DOCK7: variants seen among roughly 807,000 people sequenced by gnomAD.
DOCK7 encodes dedicator of cytokinesis 7.
DOCK7 carries 138 observed loss-of-function variants against 271.0 expected under a neutral mutation model. That is an observed-to-expected ratio of 0.51 (90% confidence interval 0.44 to 0.59). The LOEUF is 0.59. Ranked by LOEUF, DOCK7 falls within the 20% of genes least tolerant of loss-of-function variation. The pLI is 0.00. For synonymous variants in DOCK7, 823 were observed against 876.1 expected (o/e 0.94, Z 1.07); for missense variants, 2,066 against 2,592.4 (o/e 0.80, Z 4.41).
chr1:62,552,071 T>C (rs1426454771), intron 22 of DOCK7, among the ~76,000 whole-genome samples: 1 of 152,106 alleles, frequency 6.6e-6, no homozygotes, highest in African/African-American at 2.4e-5. Flanking sequence ...ATCAAACTTA[T>C]TCTACTGAAG....
chr1:62,494,577 C>T lies in DOCK7; in HGVS notation c.5025-110G>A, dbSNP rs1571288471. On this transcript the variant is annotated intron_variant, in intron 39 of 49. Transcript: ENST00000635253. ...GAAAGGTTTTTGATACTGTGCACAA[C>T]CTACTTAGTTTTAAAGTAGTATGAA... 22 of 946,066 alleles carry T rather than the reference C, an allele frequency of 2.3e-5. No homozygotes were observed. In the South Asian group the frequency reaches 4.1e-4, roughly 18 times the overall value. 58.6% of individuals were successfully genotyped at this position (946,066 alleles called of 1,614,324 possible).
intron 7 of DOCK7, chr1:62,641,353 C>T (rs1656000222): frequency 2.5e-6 from 1 of 405,482 alleles, no homozygotes; most frequent in Non-Finnish European, 4.9e-6. Context: ...GGCACACAAC[C>T]TTGAGGGCAG....
intron 1 of DOCK7, among the ~76,000 whole-genome samples, chr1:62,688,005 G>A (rs1237985197): frequency 6.6e-6 from 1 of 151,910 alleles, no homozygotes; most frequent in Admixed American, 6.6e-5. Flanking sequence ...TCCCTGCCGA[G>A]GCTCAGCGGC....
chr1:62,545,136 C>T, intron 22 of DOCK7, 97 bp from the exon 23 acceptor site: 1 of 1,202,262 alleles, frequency 8.3e-7, no homozygotes, highest in Non-Finnish European at 1.2e-6. Context: ...CTAATGCAAA[C>T]ATGTTTTTAA....
rs573601946 is a variant in DOCK7 at position 62,467,536 on chromosome 1, A to G, written c.6212+6446T>C. On this transcript the variant is annotated intron_variant, in intron 48 of 49. Transcript: ENST00000635253. Reference sequence around the variant, plus strand: ...TTTACAATATGGACTGTTTATGATAAGGGCACAGAAACTAAAGCAAGTGGT... The same window carrying G: ...TTTACAATATGGACTGTTTATGATAGGGGCACAGAAACTAAAGCAAGTGGT... Among the ~76,000 whole-genome samples the G allele has an allele frequency of 2.0e-5, 3 of 152,366 alleles. No individual in the cohort carries two copies. The South Asian group carries it at 6.2e-4, about 32-fold the overall frequency.
intron 1 of DOCK7, among the ~76,000 whole-genome samples, chr1:62,685,058 C>T (rs1661575643): frequency 6.6e-6 from 1 of 152,174 alleles, no homozygotes; most frequent in Non-Finnish European, 1.5e-5. Context: ...AAAGGATTAT[C>T]ATTTCCAACA....
intron 14 of DOCK7, among the ~76,000 whole-genome samples, chr1:62,616,284 G>A (rs1652424102): frequency 6.6e-6 from 1 of 151,452 alleles, no homozygotes. Flanking sequence ...TAACATGTCT[G>A]GATTATCTAT....
At chr1:62,464,118 G>A (rs1645607897) in intron 48 of DOCK7, among the ~76,000 whole-genome samples, 1 of 152,014 alleles carries the variant, frequency 6.6e-6, no homozygotes, top group Non-Finnish European at 1.5e-5. Flanking sequence ...GGAGCACAGT[G>A]GTGCCATCTC....
At position 62,559,231 on chromosome 1, in the gene DOCK7, G is replaced by T. The variant is rs769581192; in HGVS notation, c.2200-11C>A. 6 of 1,601,834 alleles carry T rather than the reference G, an allele frequency of 3.7e-6. No homozygotes were observed. The South Asian group carries it at 5.5e-5, about 15-fold the overall frequency. ...GTCAAGATAAGGATCCTAAAACAAA[G>T]AATAAACAAAAGCACTAAGCACTTA... On this transcript the variant is annotated splice_polypyrimidine_tract_variant and intron_variant, in intron 19 of 49. Coordinates refer to ENST00000635253, the MANE Select transcript of DOCK7 (RefSeq NM_001367561.1).
At chr1:62,516,373 A>G (rs1019029532) in intron 31 of DOCK7, among the ~76,000 whole-genome samples, 2 of 152,206 alleles carry the variant, frequency 1.3e-5, no homozygotes, top group African/African-American at 4.8e-5. Context: ...TAAGCCCTAC[A>G]AAAAAGGATT....
chr1:62,635,648 G>A (rs962683872), intron 8 of DOCK7: 2 of 152,234 alleles, frequency 1.3e-5, no homozygotes, highest in African/African-American at 4.8e-5. Flanking sequence ...GCAGTTTCGA[G>A]TTAGCAAATA....
At chr1:62,566,348 T>A (rs943846974) in intron 18 of DOCK7, among the ~76,000 whole-genome samples, 3 of 152,036 alleles carry the variant, frequency 2.0e-5, no homozygotes, top group African/African-American at 7.2e-5. Context: ...CCAAAACAGA[T>A]ATATAGACCA....
At position 62,648,480 on chromosome 1, in the gene DOCK7, C is replaced by CT; in HGVS notation, c.453dup (p.Gly152ArgfsTer8). On this transcript the variant is annotated frameshift_variant, in exon 5 of 50. Coordinates refer to ENST00000635253, the MANE Select transcript of DOCK7 (RefSeq NM_001367561.1). LOFTEE classifies it high-confidence loss of function. ...GATTCAAAAACTTGTTTTGGCAAAC[C>CT]TTTTTGCCTTTCTTTCTGTTTATCT... The CT allele has an allele frequency of 6.5e-7, 1 of 1,530,748 alleles. No individual in the cohort carries two copies. The highest frequency in any genetic ancestry group is 8.8e-7 in the Non-Finnish European group (1 of 1,134,552). 94.8% of individuals were successfully genotyped at this position (1,530,748 alleles called of 1,614,324 possible).
intron 2 of DOCK7, among the ~76,000 whole-genome samples, chr1:62,661,358 G>A (rs1221309496): frequency 2.0e-5 from 3 of 151,954 alleles, no homozygotes; most frequent in Non-Finnish European, 2.9e-5. Context: ...TAGTGGTGAT[G>A]GTTGTACAAT....
intron 1 of DOCK7, among the ~76,000 whole-genome samples, chr1:62,671,018 C>T (rs1018540002): frequency 6.6e-6 from 1 of 151,580 alleles, no homozygotes; most frequent in Non-Finnish European, 1.5e-5. Flanking sequence ...CCGGGAGGAA[C>T]GAACAACTCC....
chr1:62,534,004 CTT>C (rs11327850), intron 29 of DOCK7, among the ~76,000 whole-genome samples: 18 of 149,612 alleles, frequency 1.2e-4, no homozygotes, highest in African/African-American at 2.0e-4. Flanking sequence ...ACACATCAAG[CTT>C]TTTTTTTTTT....
At chr1:62,653,249 A>AT (rs1293828390) in intron 4 of DOCK7, among the ~76,000 whole-genome samples, 2 of 152,154 alleles carry the variant, frequency 1.3e-5, no homozygotes, top group African/African-American at 4.8e-5. Context: ...ACAAAACATT[A>AT]TTTTTTACAA....
chr1:62,607,037 C>A (rs1651099785), intron 14 of DOCK7, among the ~76,000 whole-genome samples: 1 of 152,094 alleles, frequency 6.6e-6, no homozygotes, highest in Non-Finnish European at 1.5e-5. Flanking sequence ...GAAACCCCGT[C>A]TCTACCTAAA....
intron 14 of DOCK7, among the ~76,000 whole-genome samples, chr1:62,597,030 C>G (rs749793534): frequency 1.4e-4 from 21 of 151,984 alleles, no homozygotes; most frequent in Non-Finnish European, 2.2e-4. Context: ...TACAGAGTAC[C>G]AGAGGAACAC....
Sources: allele counts gnomAD v4.1 joint callset (sites outside exome capture counted in the v4.1 genomes callset), GRCh38; gene constraint gnomAD v4.1.1; transcripts MANE v1.5; gene names NCBI Gene and HGNC (gene_info 2026-07-23, HGNC 2026-07-21).